The following METTL15 variants were observed in gnomAD, a reference collection of about 807,000 sequenced individuals.
The protein encoded by METTL15 is methyltransferase 15, mitochondrial 12S rRNA N4-cytidine.
A neutral mutation model predicts 38.3 loss-of-function variants in METTL15; 34 were observed. The ratio of observed to expected loss-of-function variants is 0.89; its 90% CI spans 0.68 to 1.18. The LOEUF (loss-of-function observed/expected upper bound fraction) is 1.18, where lower values mean the gene tolerates loss of function less well. METTL15 is among the 50% of genes most tolerant of loss of function. METTL15 has a pLI of 0.00. For synonymous variants in METTL15, 162 were observed against 170.9 expected (o/e 0.95, Z 0.41); for missense variants, 438 against 498.4 (o/e 0.88, Z 1.15).
rs1176166245 is a variant in METTL15, at chr11:28,332,565, T to C, written c.*1724T>C. ...TTCCTGGAGCCTCAGTATGTGACCTTATTTGGAAATACTGTGGTTGTGGTT... is the reference window on the plus strand; with the variant it reads ...TTCCTGGAGCCTCAGTATGTGACCTCATTTGGAAATACTGTGGTTGTGGTT... On this transcript the variant is annotated 3_prime_UTR_variant, in exon 7 of 7. Transcript: ENST00000407364. 6.7e-6 allele frequency: 1 copy of C among 148,550 alleles called. No homozygotes were observed. Among genetic ancestry groups the C allele is most frequent in the Non-Finnish European group, 1.5e-5 (1 of 67,622 alleles). 9.2% of individuals were successfully genotyped at this position (148,550 alleles called of 1,614,324 possible). A position where few individuals can be genotyped will look rare whatever the true frequency, so the allele number is the denominator to read the frequency against.
At chr11:28,143,597 C>G (rs1248933927) in intron 3 of METTL15, among the ~76,000 whole-genome samples, 3 of 152,104 alleles carry the variant, frequency 2.0e-5, no homozygotes, top group Non-Finnish European at 4.4e-5. Flanking sequence ...CAACATAGGA[C>G]CTTCCTTGCA....
intron 3 of METTL15, among the ~76,000 whole-genome samples, chr11:28,141,321 AG>A (rs1292835303): frequency 6.6e-6 from 1 of 152,158 alleles, no homozygotes; most frequent in Non-Finnish European, 1.5e-5. Context: ...TGTTGGTATC[AG>A]GTGGTATGGC....
At chr11:28,435,953 A>T (rs1023869183) in intron 6 of METTL15, among the ~76,000 whole-genome samples, 14 of 152,324 alleles carry the variant, frequency 9.2e-5, no homozygotes, top group African/African-American at 3.1e-4. Context: ...CTCCCGGAAA[A>T]TCATGGACTC....
At chr11:28,400,818 A>T (rs1850623787) in intron 5 of METTL15, among the ~76,000 whole-genome samples, 1 of 151,984 alleles carries the variant, frequency 6.6e-6, no homozygotes, top group Admixed American at 6.6e-5. Context: ...TTTTCATAAC[A>T]TCGAAATTGG....
intron 4 of METTL15, among the ~76,000 whole-genome samples, chr11:28,268,742 G>A (rs893055491): frequency 6.6e-6 from 1 of 151,754 alleles, no homozygotes; most frequent in Admixed American, 6.6e-5. Context: ...ACCATTTTTT[G>A]CATTCTGTAG....
At chr11:28,148,858 A>G (rs548563567) in intron 3 of METTL15, among the ~76,000 whole-genome samples, 28 of 152,092 alleles carry the variant, frequency 1.8e-4, no homozygotes, top group African/African-American at 6.5e-4. Flanking sequence ...TCACTGTGCT[A>G]ACCATCTTAG....
At chr11:28,532,167 C>T in the METTL15 span, among the ~76,000 whole-genome samples, 2 of 152,036 alleles carry the variant, frequency 1.3e-5, no homozygotes, top group Admixed American at 1.3e-4. Context: ...CTTTCAGGGA[C>T]TTATATTTTT....
chr11:28,381,970 T>C lies in METTL15; in HGVS notation c.*358+19934T>C, dbSNP rs540142724. On this transcript the variant is annotated intron_variant and NMD_transcript_variant, in intron 5 of 7. Transcript: ENST00000532947. The stretch of plus-strand genomic sequence containing the variant: ...TGTCTGCATTGGAGGATTAGTTATT[T>C]ATCCAAATCTTCTATGTCAGACTTG... Among the ~76,000 whole-genome samples, 6 of 152,310 alleles carry C rather than the reference T, an allele frequency of 3.9e-5. No homozygotes were observed. In the South Asian group the frequency reaches 1.2e-3, roughly 32 times the overall value.
At chr11:28,385,273 TG>T (rs1464777149) in intron 5 of METTL15, among the ~76,000 whole-genome samples, 1 of 152,212 alleles carries the variant, frequency 6.6e-6, no homozygotes, top group Non-Finnish European at 1.5e-5. Context: ...TGTATTCTTT[TG>T]GGTTTTACAT....
At chr11:28,336,331 A>G (rs1341579885), downstream of METTL15, among the ~76,000 whole-genome samples, 3 of 152,292 alleles carry the variant, frequency 2.0e-5, no homozygotes, top group African/African-American at 7.2e-5. Flanking sequence ...CTCCACCTTC[A>G]TATCAGTAAG....
In METTL15 at chr11:28,268,155, C is replaced by T. The variant is rs990235301; in HGVS notation, c.408-22051C>T. Among the ~76,000 whole-genome samples the T allele has an allele frequency of 3.3e-4, 41 of 125,200 alleles. No homozygotes were observed. In the East Asian group the frequency reaches 7.7e-3, roughly 23 times the overall value. The allele number at this position is 125,200 out of a possible 152,430, so 82.1% of individuals were successfully genotyped here. On this transcript the variant is annotated intron_variant, in intron 4 of 6. Coordinates refer to ENST00000407364, the MANE Select transcript of METTL15 (RefSeq NM_001113528.2). ...GAGCTTGCAGTGAGCCGAGATCCCG[C>T]CACTGCACTCCAGCCTGGGCGACAG... is the stretch of plus-strand genomic sequence containing the variant.
intron 5 of METTL15, among the ~76,000 whole-genome samples, chr11:28,374,151 T>C (rs1174670300): frequency 6.6e-6 from 1 of 152,172 alleles, no homozygotes; most frequent in Non-Finnish European, 1.5e-5. Flanking sequence ...CGATGCGGGC[T>C]CTTTTTTGGT....
intron 6 of METTL15, among the ~76,000 whole-genome samples, chr11:28,468,708 T>G (rs188443390): frequency 1.3e-5 from 2 of 152,272 alleles, no homozygotes; most frequent in Admixed American, 1.3e-4. Flanking sequence ...AGTCCCAAAG[T>G]CAGCAAAGGG....
intron 5 of METTL15, among the ~76,000 whole-genome samples, chr11:28,373,490 T>G (rs1304033823): frequency 3.3e-5 from 5 of 152,316 alleles, no homozygotes; most frequent in East Asian, 3.9e-4. Context: ...TAAATTTGTT[T>G]GAGTTCATTG....
chr11:28,235,952 A>G (rs1231543731), intron 4 of METTL15, among the ~76,000 whole-genome samples: 1 of 151,328 alleles, frequency 6.6e-6, no homozygotes, highest in South Asian at 2.1e-4. Flanking sequence ...TTTGTCATAG[A>G]TAGCTCTTAT....
intron 5 of METTL15, among the ~76,000 whole-genome samples, chr11:28,365,139 C>CT (rs1468093055): frequency 1.3e-5 from 2 of 152,058 alleles, no homozygotes; most frequent in Non-Finnish European, 2.9e-5. Flanking sequence ...CTGAAGTTTT[C>CT]TTTTTTCATT....
intron 6 of METTL15, chr11:28,328,304 C>A: frequency 1.4e-6 from 1 of 705,102 alleles, no homozygotes; most frequent in Non-Finnish European, 2.2e-6. Flanking sequence ...AAAGAACCAT[C>A]ACACTGATTT....
At chr11:28,365,206 G>T (rs572927451) in intron 5 of METTL15, among the ~76,000 whole-genome samples, 1 of 152,254 alleles carries the variant, frequency 6.6e-6, no homozygotes, top group East Asian at 1.9e-4. Flanking sequence ...ATGAGTTAGC[G>T]AGAAACCCTT....
At position 28,375,608 on chromosome 11, in the gene METTL15, A is replaced by G. The variant is rs1168196692; in HGVS notation, c.*358+13572A>G. Among the ~76,000 whole-genome samples the G allele has an allele frequency of 7.2e-5, 11 of 152,062 alleles. No individual in the cohort carries two copies. In the South Asian group the frequency reaches 1.7e-3, roughly 23 times the overall value. ...GTCTATCAATTTTGTTGATCCTTTCAAAAAACCAGCTCCTGGTTTCATTAA... is the reference window on the plus strand; with the variant it reads ...GTCTATCAATTTTGTTGATCCTTTCGAAAAACCAGCTCCTGGTTTCATTAA... On this transcript the variant is annotated intron_variant and NMD_transcript_variant, in intron 5 of 7. Coordinates refer to the METTL15 transcript ENST00000532947.
Sources: allele counts gnomAD v4.1 joint callset (sites outside exome capture counted in the v4.1 genomes callset), GRCh38; gene constraint gnomAD v4.1.1; transcripts MANE v1.5; gene names NCBI Gene and HGNC (gene_info 2026-07-23, HGNC 2026-07-21).